Variants in SEMA3C observed in about 807,000 individuals in gnomAD.
The protein encoded by SEMA3C is semaphorin 3C.
Under a neutral mutation model 89.4 loss-of-function variants are expected in SEMA3C, and 47 were observed. The ratio of observed to expected loss-of-function variants is 0.53; its 90% confidence interval spans 0.42 to 0.67. The LOEUF (loss-of-function observed/expected upper bound fraction) is 0.67, where lower values mean the gene tolerates loss of function less well. Ranked by LOEUF, SEMA3C falls within the 30% of genes least tolerant of loss-of-function variation. SEMA3C has a pLI of 0.00. For synonymous variants in SEMA3C, 310 were observed against 320.2 expected (o/e 0.97, Z 0.34); for missense variants, 839 against 929.1 (o/e 0.90, Z 1.26).
intron 7 of SEMA3C, among the ~76,000 whole-genome samples, chr7:80,804,925 A>G (rs1314313330): frequency 6.6e-6 from 1 of 152,142 alleles, no homozygotes; most frequent in Non-Finnish European, 1.5e-5. Context: ...AGGGTCAGCT[A>G]AAAATTTTCT....
intron 1 of SEMA3C, among the ~76,000 whole-genome samples, chr7:80,917,152 T>TA (rs1181664759): frequency 6.6e-6 from 1 of 152,190 alleles, no homozygotes; most frequent in Non-Finnish European, 1.5e-5. Context: ...TCCATTACAT[T>TA]AAAAAGACTT....
chr7:80,815,142 T>C (rs1300374705), intron 5 of SEMA3C, among the ~76,000 whole-genome samples: 1 of 152,142 alleles, frequency 6.6e-6, no homozygotes, highest in African/African-American at 2.4e-5. Flanking sequence ...ATTTCTGGAT[T>C]GAACAATGAG....
chr7:80,843,965 C>A (rs189678013), intron 2 of SEMA3C, among the ~76,000 whole-genome samples: 145 of 152,196 alleles, frequency 9.5e-4, no homozygotes, highest in African/African-American at 3.4e-3. Context: ...AGTTTACAAG[C>A]ACTACCTCAT....
At chr7:80,828,191 GC>G (rs1259669546) in intron 3 of SEMA3C, among the ~76,000 whole-genome samples, 2 of 151,970 alleles carry the variant, frequency 1.3e-5, no homozygotes, top group Non-Finnish European at 2.9e-5. Flanking sequence ...ATAAATATAG[GC>G]CATACTGGAT....
intron 2 of SEMA3C, among the ~76,000 whole-genome samples, chr7:80,859,059 C>T (rs894429072): frequency 2.6e-5 from 4 of 151,820 alleles, no homozygotes; most frequent in African/African-American, 4.8e-5. Flanking sequence ...GAAACTCCCT[C>T]GTGAAACAGG....
chr7:80,904,234 T>C (rs1212914527), intron 2 of SEMA3C, among the ~76,000 whole-genome samples: 1 of 152,122 alleles, frequency 6.6e-6, no homozygotes, highest in South Asian at 2.1e-4. Context: ...AGAGACTAGA[T>C]TTCACCATGT....
chr7:80,885,628 A>G (rs1050794749), intron 2 of SEMA3C, among the ~76,000 whole-genome samples: 1 of 152,182 alleles, frequency 6.6e-6, no homozygotes, highest in Non-Finnish European at 1.5e-5. Flanking sequence ...AAAAACAAAG[A>G]AACAAATATC....
intron 2 of SEMA3C, among the ~76,000 whole-genome samples, chr7:80,873,573 C>G (rs1791124968): frequency 6.6e-6 from 1 of 152,108 alleles, no homozygotes; most frequent in Non-Finnish European, 1.5e-5. Flanking sequence ...TTAGAGGAAG[C>G]CGTAGTCTCC....
chr7:80,889,749 A>G (rs1415376063), intron 2 of SEMA3C, among the ~76,000 whole-genome samples: 1 of 152,152 alleles, frequency 6.6e-6, no homozygotes. Context: ...GAAAAAAAAG[A>G]TTCTTTTTTT....
In SEMA3C at chr7:80,752,191, T is replaced by G. The variant is rs76709655; in HGVS notation, c.1644-855A>C. The stretch of plus-strand genomic sequence containing the variant: ...ATTTAACAACATAATCTAATGCATA[T>G]TCTATATTAAAATTTCTCTAGTTGT... On this transcript the variant is annotated intron_variant, in intron 15 of 17. Transcript: ENST00000265361. 0.014 allele frequency among the ~76,000 whole-genome samples: 2,196 copies of G among 152,328 alleles called. 172 individuals are homozygous for G. In the East Asian group the frequency reaches 0.23, roughly 16 times the overall value.
intron 2 of SEMA3C, among the ~76,000 whole-genome samples, chr7:80,903,354 A>G (rs1483664935): frequency 1.3e-5 from 2 of 152,124 alleles, no homozygotes; most frequent in Non-Finnish European, 2.9e-5. Context: ...AGGTACAGTA[A>G]AAATGTAGTA....
chr7:80,884,337 C>A (rs1374284121), intron 2 of SEMA3C, among the ~76,000 whole-genome samples: 4 of 152,154 alleles, frequency 2.6e-5, no homozygotes, highest in Admixed American at 6.5e-5. Context: ...GAACAAGTTT[C>A]TTGACTCTAA....
intron 9 of SEMA3C, 113 bp downstream of exon 9, chr7:80,802,552 A>G: frequency 3.2e-6 from 2 of 625,036 alleles, no homozygotes; most frequent in South Asian, 2.6e-5. Context: ...TTAAATTAGC[A>G]TATTATTTAT....
At chr7:80,844,200 C>A (rs947065664) in intron 2 of SEMA3C, among the ~76,000 whole-genome samples, 1 of 152,134 alleles carries the variant, frequency 6.6e-6, no homozygotes, top group African/African-American at 2.4e-5. Context: ...AATGCACATA[C>A]GAAATATGTA....
intron 2 of SEMA3C, among the ~76,000 whole-genome samples, chr7:80,859,244 T>TA (rs1790716123): frequency 6.6e-6 from 1 of 152,188 alleles, no homozygotes; most frequent in South Asian, 2.1e-4. Context: ...ATCCTAGTTA[T>TA]ATGTTTATGC....
At chr7:80,916,578 A>G in intron 2 of SEMA3C, 101 bp downstream of exon 2, 1 of 1,013,694 alleles carries the variant, frequency 9.9e-7, no homozygotes, top group Non-Finnish European at 1.4e-6. Flanking sequence ...TTTTAAAATT[A>G]ATATCCAGTA....
Position 80,891,264 on chromosome 7 carries a change from G to A in SEMA3C, c.103+25415C>T, listed in dbSNP as rs62460754. Among the ~76,000 whole-genome samples, 422 of 152,214 alleles carry A rather than the reference G, an allele frequency of 2.8e-3. 3 individuals are homozygous for A. Among genetic ancestry groups the A allele is most frequent in the South Asian group, 0.012 (59 of 4,830 alleles). On this transcript the variant is annotated intron_variant, in intron 2 of 17. Coordinates refer to ENST00000265361, the MANE Select transcript of SEMA3C (RefSeq NM_006379.5). ...CATTGAAGCCCTCCTGCCATCTTCC[G>A]TCTATATCCCGTCTTGCGTCCAAAC...
intron 2 of SEMA3C, among the ~76,000 whole-genome samples, chr7:80,881,186 CACA>C (rs1791330788): frequency 6.6e-6 from 1 of 151,268 alleles, no homozygotes; most frequent in African/African-American, 2.4e-5. Flanking sequence ...CACACACACA[CACA>C]CACACACACA....
chr7:80,922,124 G>T, upstream of SEMA3C: 3 of 475,282 alleles, frequency 6.3e-6, no homozygotes, highest in Non-Finnish European at 1.0e-5. Flanking sequence ...ATTCTTTAAT[G>T]AAGTTACAAT....
Sources: gnomAD v4.1 joint callset for allele counts (sites outside exome capture counted in the v4.1 genomes callset) on GRCh38, gnomAD v4.1.1 for gene constraint, MANE v1.5 for transcripts, NCBI Gene and HGNC (gene_info 2026-07-23, HGNC 2026-07-21) for gene names.